The following NXPE2 variants were observed in gnomAD, a reference collection of about 807,000 sequenced individuals.
NXPE2 encodes the protein NXPE family member 2.
NXPE2 carries 34 observed loss-of-function variants against 34.4 expected under a neutral mutation model. The ratio of observed to expected loss-of-function variants is 0.99; its 90% CI spans 0.75 to 1.31. NXPE2 has a LOEUF of 1.31. Ranked by LOEUF, NXPE2 falls within the 40% of genes most tolerant of loss-of-function variation. NXPE2 has a pLI of 0.00. For missense variants in NXPE2, 649 were observed against 672.5 expected (o/e 0.97, Z 0.39); for synonymous variants, 235 against 231.3 (o/e 1.02, Z -0.15).
At chr11:114,803,963 T>C in the NXPE2 span, among the ~76,000 whole-genome samples, 1 of 152,102 alleles carries the variant, frequency 6.6e-6, no homozygotes, top group Admixed American at 6.5e-5. Flanking sequence ...GGTCCTCCAT[T>C]TAAAACTGTA....
At chr11:114,616,092 A>G in the NXPE2 span, among the ~76,000 whole-genome samples, 1 of 151,644 alleles carries the variant, frequency 6.6e-6, no homozygotes, top group African/African-American at 2.4e-5. Context: ...CCTGCTGCAT[A>G]ATAAGTAATG....
At chr11:114,808,625 C>T in the NXPE2 span, among the ~76,000 whole-genome samples, 3 of 135,936 alleles carry the variant, frequency 2.2e-5, no homozygotes, top group Admixed American at 2.3e-4. Flanking sequence ...ACACATGCAT[C>T]CTCCCAAGAC....
At chr11:114,732,850 A>G in the NXPE2 span, among the ~76,000 whole-genome samples, 1 of 138,308 alleles carries the variant, frequency 7.2e-6, no homozygotes, top group South Asian at 2.3e-4. Context: ...TAGTGATTCA[A>G]ATTGATGGGC....
the NXPE2 span, among the ~76,000 whole-genome samples, chr11:114,481,386 AGCATTGTT>A: frequency 6.6e-6 from 1 of 152,174 alleles, no homozygotes; most frequent in East Asian, 1.9e-4. Context: ...TTTAATTTAG[AGCATTGTT>A]GCCTAAAAAG....
At chr11:114,801,668 A>AGACC in the NXPE2 span, among the ~76,000 whole-genome samples, 1 of 924 alleles carries the variant, frequency 1.1e-3, no homozygotes, top group African/African-American at 1.4e-3. Flanking sequence ...ATGTGAAGAA[A>AGACC]AGGAGAAGAA....
the NXPE2 span, among the ~76,000 whole-genome samples, chr11:114,728,185 G>A: frequency 6.6e-6 from 1 of 152,064 alleles, no homozygotes; most frequent in Non-Finnish European, 1.5e-5. Context: ...TCTCTTAGAA[G>A]AGCCCTTGAA....
the NXPE2 span, among the ~76,000 whole-genome samples, chr11:114,581,380 G>C: frequency 6.6e-6 from 1 of 152,118 alleles, no homozygotes; most frequent in Non-Finnish European, 1.5e-5. Context: ...GATATGGGAA[G>C]AGGTGATGGG....
At chr11:114,546,249 A>G in the NXPE2 span, among the ~76,000 whole-genome samples, 1 of 152,156 alleles carries the variant, frequency 6.6e-6, no homozygotes, top group Non-Finnish European at 1.5e-5. Context: ...TGGGAGATGA[A>G]CAAATAAGTA....
the NXPE2 span, among the ~76,000 whole-genome samples, chr11:114,631,106 G>A: frequency 6.6e-6 from 1 of 152,104 alleles, no homozygotes; most frequent in South Asian, 2.1e-4. Flanking sequence ...CATTGTGGAA[G>A]TCAGTGTGGC....
At chr11:114,609,538 A>G in the NXPE2 span, among the ~76,000 whole-genome samples, 1 of 151,768 alleles carries the variant, frequency 6.6e-6, no homozygotes, top group African/African-American at 2.4e-5. Context: ...AACCACTGTT[A>G]CCCAATGGAT....
chr11:114,744,499 T>C, the NXPE2 span, among the ~76,000 whole-genome samples: 11 of 152,180 alleles, frequency 7.2e-5, no homozygotes, highest in African/African-American at 2.7e-4. Flanking sequence ...ACAAAATCTC[T>C]TTATGTATTT....
chr11:114,651,102 T>TTA, the NXPE2 span, among the ~76,000 whole-genome samples: 1 of 103,484 alleles, frequency 9.7e-6, no homozygotes, highest in African/African-American at 3.1e-5. Flanking sequence ...ATTACATATA[T>TTA]TATATATAAT....
the NXPE2 span, chr11:114,583,080 A>G: frequency 6.6e-7 from 1 of 1,523,416 alleles, no homozygotes; most frequent in Non-Finnish European, 8.8e-7. Context: ...CTGAACTGAA[A>G]TGACAGGAAG....
At chr11:114,749,708 G>A in the NXPE2 span, among the ~76,000 whole-genome samples, 1 of 152,022 alleles carries the variant, frequency 6.6e-6, no homozygotes, top group African/African-American at 2.4e-5. Flanking sequence ...ACCATTCATT[G>A]CTACCATCCC....
the NXPE2 span, among the ~76,000 whole-genome samples, chr11:114,535,011 A>G: frequency 6.6e-6 from 1 of 152,210 alleles, no homozygotes; most frequent in Non-Finnish European, 1.5e-5. Context: ...GAAGGAAAAA[A>G]TGTTAAGGGC....
the NXPE2 span, among the ~76,000 whole-genome samples, chr11:114,492,827 C>T: frequency 2.2e-4 from 34 of 152,346 alleles, no homozygotes; most frequent in African/African-American, 7.5e-4. Flanking sequence ...GCATGAGCCA[C>T]TGCACCCAGC....
the NXPE2 span, among the ~76,000 whole-genome samples, chr11:114,649,615 T>A: frequency 6.6e-6 from 1 of 152,168 alleles, no homozygotes; most frequent in South Asian, 2.1e-4. Context: ...ATTTTCTAAC[T>A]TATGAAGATG....
chr11:114,601,896 TTTATATATATTATATAATTATATATAA>T, the NXPE2 span, among the ~76,000 whole-genome samples: 4 of 40,528 alleles, frequency 9.9e-5, no homozygotes, highest in Non-Finnish European at 1.6e-4. Flanking sequence ...ATATATTATA[TTTATATATATTATATAATTATATATAA>T]TATATTTATA....
the NXPE2 span, among the ~76,000 whole-genome samples, chr11:114,521,010 T>A: frequency 6.6e-6 from 1 of 152,200 alleles, no homozygotes; most frequent in African/African-American, 2.4e-5. Flanking sequence ...TTTAAAAAAG[T>A]TCATTCACTG....
Sources: allele counts gnomAD v4.1 joint callset (sites outside exome capture counted in the v4.1 genomes callset), GRCh38; gene constraint gnomAD v4.1.1; transcripts MANE v1.5; gene names NCBI Gene and HGNC (gene_info 2026-07-23, HGNC 2026-07-21).